The following CNKSR3 variants were observed in gnomAD, a reference collection of about 807,000 sequenced individuals.
CNKSR3 encodes CNKSR family member 3, also known as connector enhancer of kinase suppressor of ras 3.
Under a neutral mutation model 67.7 loss-of-function variants are expected in CNKSR3, and 36 were observed. The observed-to-expected ratio is 0.53, with a 90% CI of 0.41 to 0.70. The LOEUF (loss-of-function observed/expected upper bound fraction) is 0.70. CNKSR3 is among the 30% of genes least tolerant of loss of function. The pLI, the probability that CNKSR3 is intolerant of heterozygous loss-of-function variation, is 0.00. For synonymous variants in CNKSR3, 281 were observed against 271.4 expected (o/e 1.04, Z -0.35); for missense variants, 630 against 695.2 (o/e 0.91, Z 1.05).
At chr6:154,464,364 G>A (rs937339383) in intron 1 of CNKSR3, among the ~76,000 whole-genome samples, 2 of 152,072 alleles carry the variant, frequency 1.3e-5, no homozygotes, top group Non-Finnish European at 2.9e-5. Flanking sequence ...TTCTACTCTC[G>A]GAAACATTCA....
intron 5 of CNKSR3, 91 bp from the exon 6 acceptor site, chr6:154,430,682 A>C: frequency 3.2e-6 from 4 of 1,258,912 alleles, no homozygotes; most frequent in Non-Finnish European, 4.4e-6. Flanking sequence ...TTCACCTATA[A>C]TTGTTAGTTC....
At chr6:154,506,521 C>T (rs1261631072) in intron 1 of CNKSR3, among the ~76,000 whole-genome samples, 1 of 152,192 alleles carries the variant, frequency 6.6e-6, no homozygotes, top group African/African-American at 2.4e-5. Flanking sequence ...CTTCTGTCTT[C>T]CATGAGACTC....
chr6:154,509,201 G>C (rs1457896220), intron 1 of CNKSR3, among the ~76,000 whole-genome samples: 1 of 152,048 alleles, frequency 6.6e-6, no homozygotes, highest in Non-Finnish European at 1.5e-5. Context: ...GTACAGAAAA[G>C]GGTTGAGTAA....
In CNKSR3 at chr6:154,510,172, G is replaced by T. The variant is rs371298680; in HGVS notation, c.-58C>A. Reference sequence around the variant, plus strand: ...AGTCGCAGATAAAGTGCTGCTGCCTGCGCTCCGGTGCCCCTTCCCGGGAGG... The same window carrying T: ...AGTCGCAGATAAAGTGCTGCTGCCTTCGCTCCGGTGCCCCTTCCCGGGAGG... On this transcript the variant is annotated 5_prime_UTR_variant, in exon 1 of 13. Transcript: ENST00000607772. 1.1e-4 allele frequency: 171 copies of T among 1,600,576 alleles called. No homozygotes were observed. The highest frequency in any genetic ancestry group is 1.4e-4 in the Non-Finnish European group (161 of 1,168,958).
intron 1 of CNKSR3, among the ~76,000 whole-genome samples, chr6:154,466,678 G>A (rs1350334863): frequency 2.0e-5 from 3 of 152,050 alleles, no homozygotes; most frequent in Non-Finnish European, 2.9e-5. Context: ...AGAGTGCAGT[G>A]GCGCAATCAT....
intron 10 of CNKSR3, among the ~76,000 whole-genome samples, chr6:154,411,966 T>A (rs1310470790): frequency 6.6e-6 from 1 of 152,212 alleles, no homozygotes; most frequent in East Asian, 1.9e-4. Flanking sequence ...CCAGCAAAAG[T>A]TGGATCACTG....
chr6:154,480,585 T>C (rs1184563777), intron 1 of CNKSR3, among the ~76,000 whole-genome samples: 1 of 152,242 alleles, frequency 6.6e-6, no homozygotes, highest in Non-Finnish European at 1.5e-5. Flanking sequence ...CATGGATGAA[T>C]GCAGAATTTA....
At chr6:154,410,612 A>G (rs927508746) in intron 11 of CNKSR3, among the ~76,000 whole-genome samples, 180 bp from the exon 12 acceptor site, 4 of 152,230 alleles carry the variant, frequency 2.6e-5, no homozygotes, top group Non-Finnish European at 5.9e-5. Context: ...ATAGAGTGCT[A>G]CTAAGATAGA....
At chr6:154,508,590 C>T (rs1452659931) in intron 1 of CNKSR3, among the ~76,000 whole-genome samples, 1 of 152,204 alleles carries the variant, frequency 6.6e-6, no homozygotes, top group Non-Finnish European at 1.5e-5. Context: ...GAGGAACACA[C>T]CTCATTTCAA....
chr6:154,495,179 T>C (rs1786852832), intron 1 of CNKSR3, among the ~76,000 whole-genome samples: 1 of 152,138 alleles, frequency 6.6e-6, no homozygotes, highest in Non-Finnish European at 1.5e-5. Context: ...ATGACACAAT[T>C]AGAATGCTGT....
intron 10 of CNKSR3, among the ~76,000 whole-genome samples, chr6:154,413,814 C>T (rs1190507679): frequency 6.6e-6 from 1 of 152,136 alleles, no homozygotes; most frequent in East Asian, 1.9e-4. Context: ...ATGGCACAAA[C>T]TCTGCTCACT....
intron 1 of CNKSR3, among the ~76,000 whole-genome samples, chr6:154,486,266 C>T (rs1165186395): frequency 6.6e-6 from 1 of 151,282 alleles, no homozygotes. Context: ...TAAAAAGGTA[C>T]AACTGTCTTC....
chr6:154,443,643 C>T lies in CNKSR3; in HGVS notation c.217-1353G>A, dbSNP rs188821339. On this transcript the variant is annotated intron_variant, in intron 2 of 12. Coordinates refer to ENST00000607772, the MANE Select transcript of CNKSR3 (RefSeq NM_173515.4). Reference sequence around the variant, plus strand: ...ATGGAATGCATGGATTTCCACCAGGCGAGACACTCACACAAAAAAAAACAC... The same window carrying T: ...ATGGAATGCATGGATTTCCACCAGGTGAGACACTCACACAAAAAAAAACAC... Among the ~76,000 whole-genome samples, 270 of 152,026 alleles carry T rather than the reference C, an allele frequency of 1.8e-3. 4 individuals are homozygous for T. The highest frequency in any genetic ancestry group is 6.1e-3 in the African/African-American group (254 of 41,480).
At chr6:154,498,294 T>C (rs1786916896) in intron 1 of CNKSR3, among the ~76,000 whole-genome samples, 1 of 152,066 alleles carries the variant, frequency 6.6e-6, no homozygotes, top group Non-Finnish European at 1.5e-5. Flanking sequence ...CACCTGACCA[T>C]GGCTGTCCAC....
chr6:154,450,075 C>T lies in CNKSR3; in HGVS notation c.216+20G>A. 2.5e-6 allele frequency: 4 copies of T among 1,611,076 alleles called. No individual in the cohort carries two copies. The East Asian group carries it at 8.9e-5, about 36-fold the overall frequency. On this transcript the variant is annotated intron_variant, in intron 2 of 12. Coordinates refer to ENST00000607772, the MANE Select transcript of CNKSR3 (RefSeq NM_173515.4). ...CTAAAGAACGTCATCACGGTACAGA[C>T]CGTCTTTTCCTGAACTAACCAGTGC...
chr6:154,491,075 G>A (rs989341097), intron 1 of CNKSR3, among the ~76,000 whole-genome samples: 4 of 152,072 alleles, frequency 2.6e-5, no homozygotes, highest in African/African-American at 4.8e-5. Flanking sequence ...TTGAACTCCC[G>A]ACATCAGGTG....
At chr6:154,437,805 G>T (rs1785503520) in intron 4 of CNKSR3, among the ~76,000 whole-genome samples, 2 of 151,986 alleles carry the variant, frequency 1.3e-5, no homozygotes, top group Non-Finnish European at 2.9e-5. Context: ...ATGATATCCT[G>T]ATATATATTT....
chr6:154,489,761 T>G (rs568508190), intron 1 of CNKSR3, among the ~76,000 whole-genome samples: 10 of 152,164 alleles, frequency 6.6e-5, no homozygotes, highest in Admixed American at 5.9e-4. Flanking sequence ...GAGAAAAAAT[T>G]CCAACCAATG....
At chr6:154,467,422 C>T (rs1786227027) in intron 1 of CNKSR3, among the ~76,000 whole-genome samples, 2 of 152,174 alleles carry the variant, frequency 1.3e-5, no homozygotes, top group Non-Finnish European at 2.9e-5. Flanking sequence ...GGAGGGCTTA[C>T]AGATGCCTTC....
Sources: gnomAD v4.1 joint callset for allele counts (sites outside exome capture counted in the v4.1 genomes callset) on GRCh38, gnomAD v4.1.1 for gene constraint, MANE v1.5 for transcripts, NCBI Gene and HGNC (gene_info 2026-07-23, HGNC 2026-07-21) for gene names.